The following SNRPA1 variants were observed in gnomAD, a reference collection of about 807,000 sequenced individuals.
SNRPA1 encodes the protein U2 small nuclear ribonucleoprotein A'.
Under a neutral mutation model 32.3 loss-of-function variants are expected in SNRPA1, and 5 were observed. The ratio of observed to expected loss-of-function variants is 0.15; its 90% confidence interval spans 0.08 to 0.33. SNRPA1 has a LOEUF of 0.33. Ranked by LOEUF, SNRPA1 falls within the 10% of genes least tolerant of loss-of-function variation. The probability of loss-of-function intolerance (pLI) is 1.00; values close to 1 mark genes in which losing one functional copy is unlikely to be tolerated. For missense variants in SNRPA1, 198 were observed against 311.1 expected (o/e 0.64, Z 2.74); for synonymous variants, 111 against 120.1 (o/e 0.92, Z 0.50).
At chr15:101,284,275 A>G (rs1418210993) in intron 8 of SNRPA1, among the ~76,000 whole-genome samples, 1 of 152,212 alleles carries the variant, frequency 6.6e-6, no homozygotes, top group Non-Finnish European at 1.5e-5. Flanking sequence ...GACTTGAAGA[A>G]ACTTGTCCAA....
At chr15:101,289,421 AAG>A (rs1596471761) in intron 3 of SNRPA1, among the ~76,000 whole-genome samples, 1 of 152,188 alleles carries the variant, frequency 6.6e-6, no homozygotes, top group African/African-American at 2.4e-5. Context: ...TCAAGATTGA[AAG>A]AGAGTAATTT....
chr15:101,289,448 G>GA (rs1398954113), intron 3 of SNRPA1, among the ~76,000 whole-genome samples: 1 of 151,996 alleles, frequency 6.6e-6, no homozygotes, highest in East Asian at 1.9e-4. Flanking sequence ...ACCATCAGAA[G>GA]AAAAAATGGA....
chr15:101,294,582 G>A (rs1465250442), intron 1 of SNRPA1, among the ~76,000 whole-genome samples: 2 of 152,202 alleles, frequency 1.3e-5, no homozygotes, highest in East Asian at 1.9e-4. Context: ...TCATATAGGG[G>A]AAACGCCAGA....
At chr15:101,291,904 A>C in intron 3 of SNRPA1, 58 bp downstream of exon 3, 1 of 1,042,990 alleles carries the variant, frequency 9.6e-7, no homozygotes, top group Non-Finnish European at 1.5e-6. Context: ...TTTCTGTAGG[A>C]AGCACATAGT....
chr15:101,292,849 T>C (rs1283616108), intron 2 of SNRPA1, 176 bp downstream of exon 2: 1 of 411,466 alleles, frequency 2.4e-6, no homozygotes, highest in African/African-American at 2.1e-5. Flanking sequence ...AAAAAACATG[T>C]ATTGAATGTG....
rs1567127920 is a variant in SNRPA1, at chr15:101,295,237, G to A, written c.-59C>T. 2.2e-6 allele frequency: 3 copies of A among 1,388,166 alleles called. No homozygotes were observed. The highest frequency in any genetic ancestry group is 1.9e-6 in the Non-Finnish European group (2 of 1,047,472). 86.0% of individuals were successfully genotyped at this position (1,388,166 alleles called of 1,614,324 possible). ...GCCCGTGGCCTCCCGCCAGCGAGACGTCCCAGCGTGCCCCGCGCCCCGCCG... is the reference window on the plus strand; with the variant it reads ...GCCCGTGGCCTCCCGCCAGCGAGACATCCCAGCGTGCCCCGCGCCCCGCCG... On this transcript the variant is annotated 5_prime_UTR_variant, in exon 1 of 9. The change creates a new upstream start codon in the 5' untranslated region. Coordinates refer to ENST00000254193, the MANE Select transcript of SNRPA1 (RefSeq NM_003090.4).
chr15:101,290,921 T>C (rs1226664382), intron 3 of SNRPA1, among the ~76,000 whole-genome samples: 1 of 152,056 alleles, frequency 6.6e-6, no homozygotes, highest in Admixed American at 6.5e-5. Flanking sequence ...TTTGTATTTT[T>C]AGTAGAGACG....
At chr15:101,294,702 A>G (rs966071929) in intron 1 of SNRPA1, 3 of 213,302 alleles carry the variant, frequency 1.4e-5, no homozygotes, top group Admixed American at 5.9e-5. Flanking sequence ...ATCTACGCTC[A>G]AAATATCATC....
rs748340347 is a variant in SNRPA1, at chr15:101,285,080, G to A, written c.616-20C>T. 1 of 1,557,886 alleles carries A rather than the reference G, an allele frequency of 6.4e-7. No homozygotes were observed. The highest frequency in any genetic ancestry group is 8.9e-7 in the Non-Finnish European group (1 of 1,129,306). ...GGCATTCTGGAGGACAGAGGGCAAT[G>A]GAGATGGATGATTAACTTCAACCAA... On this transcript the variant is annotated intron_variant, in intron 7 of 8. Coordinates refer to ENST00000254193, the MANE Select transcript of SNRPA1 (RefSeq NM_003090.4).
At chr15:101,292,387 A>G (rs1007391153) in intron 2 of SNRPA1, among the ~76,000 whole-genome samples, 1 of 152,244 alleles carries the variant, frequency 6.6e-6, no homozygotes, top group African/African-American at 2.4e-5. Flanking sequence ...GGTACAAGAC[A>G]CAACAACTAT....
chr15:101,290,299 T>C (rs2039508369), intron 3 of SNRPA1, among the ~76,000 whole-genome samples: 1 of 152,224 alleles, frequency 6.6e-6, no homozygotes, highest in South Asian at 2.1e-4. Context: ...CCAGTAGTCT[T>C]CATCTTTGCA....
Position 101,294,346 on chromosome 15 carries a change from C to G in SNRPA1, c.82+751G>C, listed in dbSNP as rs904311938. Among the ~76,000 whole-genome samples, 11 of 152,252 alleles carry G rather than the reference C, an allele frequency of 7.2e-5. No individual in the cohort carries two copies. In the East Asian group the frequency reaches 1.7e-3, roughly 24 times the overall value. ...CATAGGTCCCCATGGGAACAAATCT[C>G]AGGCTACGACAGCATGGTCTTATCC... is the stretch of plus-strand genomic sequence containing the variant. On this transcript the variant is annotated intron_variant, in intron 1 of 8. Coordinates refer to ENST00000254193, the MANE Select transcript of SNRPA1 (RefSeq NM_003090.4).
chr15:101,285,276 T>C (rs757362648), intron 7 of SNRPA1: 1 of 533,638 alleles, frequency 1.9e-6, no homozygotes, highest in Non-Finnish European at 3.4e-6. Context: ...ATGCAGGCCT[T>C]CTTATAAATA....
intron 8 of SNRPA1, chr15:101,284,726 T>A: frequency 2.9e-6 from 1 of 348,460 alleles, no homozygotes; most frequent in Non-Finnish European, 5.6e-6. Context: ...GGTCTCGAAC[T>A]CCTGACCTCA....
At chr15:101,285,980 A>T in intron 6 of SNRPA1, 179 bp from the exon 7 acceptor site, 1 of 632,976 alleles carries the variant, frequency 1.6e-6, no homozygotes, top group East Asian at 2.7e-5. Flanking sequence ...TATAGAAAAT[A>T]GGATGTACAT....
intron 1 of SNRPA1, among the ~76,000 whole-genome samples, chr15:101,293,904 CA>C (rs1486767831): frequency 6.6e-6 from 1 of 152,216 alleles, no homozygotes; most frequent in Non-Finnish European, 1.5e-5. Context: ...CAACACTGCA[CA>C]TGCTCCATAA....
In SNRPA1 at chr15:101,286,769, T is replaced by C. The variant is rs576792734; in HGVS notation, c.459+139A>G. On this transcript the variant is annotated intron_variant, in intron 5 of 8. Coordinates refer to ENST00000254193, the MANE Select transcript of SNRPA1 (RefSeq NM_003090.4). ...ACTCTGCTATTAGAAAAAAATGTGATGTAACATTTTCCCTCCCACTTTTAT... is the reference window on the plus strand; with the variant it reads ...ACTCTGCTATTAGAAAAAAATGTGACGTAACATTTTCCCTCCCACTTTTAT... The C allele has an allele frequency of 1.4e-5, 8 of 590,212 alleles. No homozygotes were observed. The East Asian group carries it at 2.3e-4, about 17-fold the overall frequency. The allele number at this position is 590,212 out of a possible 1,614,324, so 36.6% of individuals were successfully genotyped here.
Position 101,281,682 on chromosome 15 carries a change from C to A in SNRPA1, c.*42G>T. Reference sequence around the variant, plus strand: ...ATTATACCATGTTCGAAAAGCAAGACTTGTTCCAAGAGGGCCTATTATTAT... The same window carrying A: ...ATTATACCATGTTCGAAAAGCAAGAATTGTTCCAAGAGGGCCTATTATTAT... On this transcript the variant is annotated 3_prime_UTR_variant, in exon 9 of 9. Transcript: ENST00000254193. The A allele has an allele frequency of 6.8e-7, 1 of 1,474,328 alleles. No homozygotes were observed. Among genetic ancestry groups the A allele is most frequent in the East Asian group, 2.3e-5 (1 of 44,252 alleles). The allele number at this position is 1,474,328 out of a possible 1,614,324, so 91.3% of individuals were successfully genotyped here.
At chr15:101,295,013 G>C in intron 1 of SNRPA1, 84 bp downstream of exon 1, 3 of 893,856 alleles carry the variant, frequency 3.4e-6, no homozygotes, top group Non-Finnish European at 4.7e-6. Context: ...GCCAAGCTCC[G>C]GCCTTCGGTG....
Sources: gnomAD v4.1 joint callset for allele counts (sites outside exome capture counted in the v4.1 genomes callset) on GRCh38, gnomAD v4.1.1 for gene constraint, MANE v1.5 for transcripts, NCBI Gene and HGNC (gene_info 2026-07-23, HGNC 2026-07-21) for gene names.